XPO4: variants seen among roughly 807,000 people sequenced by gnomAD.
The protein encoded by XPO4 is exportin 4.
A neutral mutation model predicts 143.0 loss-of-function variants in XPO4; 39 were observed. That is an observed-to-expected ratio of 0.27 (90% confidence interval 0.21 to 0.36). The LOEUF (loss-of-function observed/expected upper bound fraction) is 0.36. XPO4 is among the 10% of genes least tolerant of loss of function. XPO4 has a pLI of 1.00. For synonymous variants in XPO4, 439 were observed against 474.0 expected, an observed-to-expected ratio of 0.93 and a Z score of 0.96; for missense variants, 907 against 1,348.0, an observed-to-expected ratio of 0.67 and a Z score of 5.12.
chr13:20,793,537 CT>C (rs2059313192), intron 18 of XPO4, among the ~76,000 whole-genome samples: 1 of 152,174 alleles, frequency 6.6e-6, no homozygotes, highest in South Asian at 2.1e-4. Flanking sequence ...AATAGCCCCC[CT>C]GCCCTTTCTT....
chr13:20,856,312 G>GA (rs2060143440), intron 3 of XPO4: 1 of 984,554 alleles, frequency 1.0e-6, no homozygotes, highest in Non-Finnish European at 1.2e-6. Context: ...ACATAAAATT[G>GA]TAAAACACAC....
intron 1 of XPO4, chr13:20,879,300 C>A: frequency 3.0e-6 from 3 of 985,230 alleles, no homozygotes; most frequent in Non-Finnish European, 3.6e-6. Flanking sequence ...GGAGGGGGAC[C>A]AGGGAAGAGA....
At chr13:20,880,584 T>C (rs557531664) in intron 1 of XPO4, among the ~76,000 whole-genome samples, 1 of 152,334 alleles carries the variant, frequency 6.6e-6, no homozygotes, top group Admixed American at 6.5e-5. Flanking sequence ...TTTAATAGAC[T>C]GTACCAATGT....
chr13:20,855,493 G>T (rs2138100963), intron 4 of XPO4, 134 bp downstream of exon 4: 6 of 913,926 alleles, frequency 6.6e-6, no homozygotes, highest in Non-Finnish European at 8.8e-6. Context: ...AAGAAAACCT[G>T]AACAAATGAA....
intron 9 of XPO4, among the ~76,000 whole-genome samples, chr13:20,821,010 A>T (rs2059712733): frequency 6.6e-6 from 1 of 152,202 alleles, no homozygotes; most frequent in Admixed American, 6.5e-5. Flanking sequence ...TCCATGATTA[A>T]TACAGCTATT....
intron 1 of XPO4, among the ~76,000 whole-genome samples, chr13:20,881,274 A>T (rs1268554213): frequency 6.8e-6 from 1 of 147,310 alleles, no homozygotes; most frequent in Non-Finnish European, 1.5e-5. Context: ...TTTTACAATA[A>T]TTTTTTTTTT....
At chr13:20,849,963 G>A (rs958856714) in intron 4 of XPO4, 11 of 558,790 alleles carry the variant, frequency 2.0e-5, no homozygotes, top group South Asian at 1.5e-4. Context: ...AAAATTAGCC[G>A]GGCATAGTGG....
Position 20,796,091 on chromosome 13 carries a change from C to G in XPO4, c.2782G>C (p.Asp928His). ...LTNLLSKEFI[D>H]FSDTDEVFRG... is the part of the protein sequence containing the mutation. The stretch of plus-strand genomic sequence containing the variant: ...TACATTTTACCTGTATCACTGAAAT[C>G]TATGAATTCTTTTGACAGCAGGTTA... Residue 928 changes from aspartate to histidine, a missense_variant, in exon 18 of 23, where the codon GAT becomes CAT. Physicochemically the swap from Asp to His is moderately conservative, Grantham distance 81. Transcript: ENST00000255305. 1 of 1,611,688 alleles carries G rather than the reference C, an allele frequency of 6.2e-7. No individual in the cohort carries two copies. The highest frequency in any genetic ancestry group is 8.5e-7 in the Non-Finnish European group (1 of 1,178,784).
chr13:20,789,148 C>T (rs1288006861), intron 19 of XPO4, among the ~76,000 whole-genome samples: 3 of 152,204 alleles, frequency 2.0e-5, no homozygotes, highest in Non-Finnish European at 4.4e-5. Flanking sequence ...AAAATACACA[C>T]TTAAATGTTT....
At chr13:20,857,130 C>G (rs2060151850) in intron 3 of XPO4, among the ~76,000 whole-genome samples, 1 of 152,140 alleles carries the variant, frequency 6.6e-6, no homozygotes, top group Admixed American at 6.5e-5. Context: ...ATGCAGAGAT[C>G]CTACTATGCA....
At chr13:20,860,949 G>T (rs1341186718) in intron 3 of XPO4, among the ~76,000 whole-genome samples, 1 of 151,548 alleles carries the variant, frequency 6.6e-6, no homozygotes, top group East Asian at 1.9e-4. Context: ...ATGTAAGGCA[G>T]TTAGCAGTTA....
intron 2 of XPO4, among the ~76,000 whole-genome samples, chr13:20,868,115 C>T (rs2060260381): frequency 1.3e-5 from 2 of 151,468 alleles, no homozygotes; most frequent in South Asian, 4.2e-4. Context: ...CAGTGATACC[C>T]TACGCAGAAA....
intron 1 of XPO4, among the ~76,000 whole-genome samples, chr13:20,872,972 G>C (rs769480211): frequency 6.6e-6 from 1 of 151,920 alleles, no homozygotes; most frequent in Non-Finnish European, 1.5e-5. Flanking sequence ...CCCTGTTTAC[G>C]TTCTCATCAT....
At chr13:20,796,704 T>C (rs903695828) in intron 17 of XPO4, 60 bp downstream of exon 17, 35 of 1,278,302 alleles carry the variant, frequency 2.7e-5, no homozygotes, top group Non-Finnish European at 3.4e-5. Context: ...AAAGATCTAT[T>C]ATTTTATTAC....
At chr13:20,849,125 CT>C in intron 4 of XPO4, 1 of 985,434 alleles carries the variant, frequency 1.0e-6, no homozygotes, top group African/African-American at 1.7e-5. Context: ...ATAAAATACT[CT>C]TGTTCAGAGA....
At chr13:20,882,558 G>C (rs1446948613) in intron 1 of XPO4, among the ~76,000 whole-genome samples, 1 of 152,036 alleles carries the variant, frequency 6.6e-6, no homozygotes, top group African/African-American at 2.4e-5. Flanking sequence ...TATGAGATTT[G>C]GAGAGGACAA....
At chr13:20,786,544 T>C (rs2059209117) in intron 22 of XPO4, among the ~76,000 whole-genome samples, 1 of 152,150 alleles carries the variant, frequency 6.6e-6, no homozygotes, top group South Asian at 2.1e-4. Context: ...AATAATATAC[T>C]GTTTTCTATA....
chr13:20,902,536 G>A (rs2060631604), intron 1 of XPO4, 134 bp downstream of exon 1: 3 of 1,319,602 alleles, frequency 2.3e-6, no homozygotes, highest in Non-Finnish European at 2.9e-6. Flanking sequence ...CCACGCCACC[G>A]CCACCTCCTC....
At chr13:20,872,483 A>G (rs192130713) in intron 1 of XPO4, among the ~76,000 whole-genome samples, 363 of 152,276 alleles carry the variant, frequency 2.4e-3, no homozygotes, top group African/African-American at 7.6e-3. Context: ...ACCACATACA[A>G]AAGAGAGAGG....
Sources: allele counts gnomAD v4.1 joint callset (sites outside exome capture counted in the v4.1 genomes callset), GRCh38; gene constraint gnomAD v4.1.1; transcripts MANE v1.5; gene names NCBI Gene and HGNC (gene_info 2026-07-23, HGNC 2026-07-21).